The following LHFPL6 variants were observed in gnomAD, a reference collection of about 807,000 sequenced individuals.
LHFPL6 encodes LHFPL tetraspan subfamily member 6 protein.
A neutral mutation model predicts 20.6 loss-of-function variants in LHFPL6; 9 were observed. The ratio of observed to expected loss-of-function variants is 0.44; its 90% CI spans 0.26 to 0.76. The LOEUF is 0.76. Among genes scored for constraint, LHFPL6 ranks in the 30% least tolerant of loss-of-function variants. The probability of loss-of-function intolerance (pLI) is 0.20; values close to 1 mark genes in which losing one functional copy is unlikely to be tolerated. For synonymous variants in LHFPL6, 105 were observed against 98.7 expected (o/e 1.06, Z -0.38); for missense variants, 218 against 253.5 (o/e 0.86, Z 0.95).
chr13:39,517,953 GCC>G (rs760900863), intron 2 of LHFPL6, among the ~76,000 whole-genome samples: 3 of 152,108 alleles, frequency 2.0e-5, no homozygotes, highest in Non-Finnish European at 2.9e-5. Flanking sequence ...CCATGGGTGG[GCC>G]TGTGCCATCT....
intron 2 of LHFPL6, among the ~76,000 whole-genome samples, chr13:39,404,759 T>C (rs1871077630): frequency 6.6e-6 from 1 of 152,206 alleles, no homozygotes; most frequent in Admixed American, 6.5e-5. Flanking sequence ...GCCATCTTTG[T>C]TCTGATCCTC....
intron 2 of LHFPL6, among the ~76,000 whole-genome samples, chr13:39,406,099 G>C (rs2138382883): frequency 6.6e-6 from 1 of 152,224 alleles, no homozygotes; most frequent in Admixed American, 6.5e-5. Flanking sequence ...TTCGCTCCCT[G>C]GTCCAGCTCA....
Position 39,440,301 on chromosome 13 carries a change from C to G in LHFPL6, c.386-61775G>C, listed in dbSNP as rs559425495. Among the ~76,000 whole-genome samples, 6 of 151,982 alleles carry G rather than the reference C, an allele frequency of 3.9e-5. No homozygotes were observed. The South Asian group carries it at 1.0e-3, about 26-fold the overall frequency. ...GTTTTACTCTGGGTTAGCTCAGAGCCCAGAGCTTTGGTGTGGTCTACACTC... is the reference window on the plus strand; with the variant it reads ...GTTTTACTCTGGGTTAGCTCAGAGCGCAGAGCTTTGGTGTGGTCTACACTC... On this transcript the variant is annotated intron_variant, in intron 2 of 3. Coordinates refer to ENST00000379589, the MANE Select transcript of LHFPL6 (RefSeq NM_005780.3).
At chr13:39,455,921 C>T (rs1490592899) in intron 2 of LHFPL6, among the ~76,000 whole-genome samples, 1 of 152,180 alleles carries the variant, frequency 6.6e-6, no homozygotes, top group Non-Finnish European at 1.5e-5. Context: ...TACGGAAACA[C>T]ATACATTTAC....
intron 3 of LHFPL6, among the ~76,000 whole-genome samples, chr13:39,350,695 A>G (rs1869542865): frequency 6.6e-6 from 1 of 152,338 alleles, no homozygotes; most frequent in Non-Finnish European, 1.5e-5. Context: ...CAGGACTCCA[A>G]GCTTGCTTGG....
intron 2 of LHFPL6, among the ~76,000 whole-genome samples, chr13:39,511,414 A>C (rs981186969): frequency 4.6e-5 from 7 of 152,052 alleles, no homozygotes; most frequent in African/African-American, 1.7e-4. Flanking sequence ...TGACATCAGT[A>C]ATCAATCACA....
intron 2 of LHFPL6, among the ~76,000 whole-genome samples, chr13:39,501,325 C>T (rs767321276): frequency 9.2e-5 from 14 of 152,136 alleles, no homozygotes; most frequent in Admixed American, 3.3e-4. Flanking sequence ...TATCCTTTCT[C>T]GTATCTTATT....
intron 2 of LHFPL6, among the ~76,000 whole-genome samples, chr13:39,530,000 T>C (rs1245672330): frequency 6.6e-6 from 1 of 152,190 alleles, no homozygotes; most frequent in Non-Finnish European, 1.5e-5. Context: ...AAACTACAAA[T>C]GGGCACTGTG....
intron 2 of LHFPL6, among the ~76,000 whole-genome samples, chr13:39,597,895 G>A (rs1872815295): frequency 6.6e-6 from 1 of 152,180 alleles, no homozygotes; most frequent in Non-Finnish European, 1.5e-5. Context: ...GTACTGCAGG[G>A]GTTTTACTGC....
At chr13:39,374,059 A>G (rs1404657259) in intron 3 of LHFPL6, among the ~76,000 whole-genome samples, 1 of 152,182 alleles carries the variant, frequency 6.6e-6, no homozygotes, top group Non-Finnish European at 1.5e-5. Flanking sequence ...ATTCTACCAA[A>G]AAGATTCATG....
In LHFPL6 at chr13:39,456,953, C is replaced by T. The variant is rs556362067; in HGVS notation, c.386-78427G>A. On this transcript the variant is annotated intron_variant, in intron 2 of 3. Coordinates refer to ENST00000379589, the MANE Select transcript of LHFPL6 (RefSeq NM_005780.3). The stretch of plus-strand genomic sequence containing the variant: ...CTGGGACTACAGGCATGAGCCACCA[C>T]GCCCGGCTAATTTTTTTTGTATTTT... Among the ~76,000 whole-genome samples, 142 of 152,176 alleles carry T rather than the reference C, an allele frequency of 9.3e-4. 1 individual carries two copies. Among genetic ancestry groups the T allele is most frequent in the Non-Finnish European group, 1.3e-3 (86 of 67,984 alleles).
At chr13:39,502,264 A>T (rs1396988534) in intron 2 of LHFPL6, among the ~76,000 whole-genome samples, 1 of 152,196 alleles carries the variant, frequency 6.6e-6, no homozygotes, top group Non-Finnish European at 1.5e-5. Context: ...TTTTTCAAAA[A>T]ATCAGTGATT....
rs946598793 is a variant in LHFPL6, at chr13:39,587,332, G to A, written c.385+13500C>T. Among the ~76,000 whole-genome samples the A allele has an allele frequency of 1.3e-5, 2 of 151,996 alleles. 1 individual carries two copies. Among genetic ancestry groups the A allele is most frequent in the Admixed American group, 1.3e-4 (2 of 15,258 alleles). ...CTCTTTACAATTCCTTGGCTTTGAG[G>A]ACTTGATGTTCCCCTGTCTGAAGGC... is the stretch of plus-strand genomic sequence containing the variant. On this transcript the variant is annotated intron_variant, in intron 2 of 3. Transcript: ENST00000379589.
intron 2 of LHFPL6, among the ~76,000 whole-genome samples, chr13:39,555,016 C>T (rs1871261446): frequency 6.6e-6 from 1 of 152,160 alleles, no homozygotes; most frequent in African/African-American, 2.4e-5. Flanking sequence ...AGCCAGAAGT[C>T]AAGTCCAGAT....
At chr13:39,357,430 A>G (rs1169602326) in intron 3 of LHFPL6, among the ~76,000 whole-genome samples, 1 of 152,244 alleles carries the variant, frequency 6.6e-6, no homozygotes, top group Non-Finnish European at 1.5e-5. Context: ...CCCCTTGAGA[A>G]CTGGAACAAG....
At chr13:39,526,111 AATAG>A (rs1566133164) in intron 2 of LHFPL6, among the ~76,000 whole-genome samples, 2 of 152,212 alleles carry the variant, frequency 1.3e-5, no homozygotes, top group South Asian at 4.1e-4. Flanking sequence ...CATATCCCCA[AATAG>A]ATAGAAACCC....
intron 2 of LHFPL6, among the ~76,000 whole-genome samples, chr13:39,560,649 G>C (rs995208032): frequency 3.3e-5 from 5 of 151,838 alleles, no homozygotes; most frequent in Non-Finnish European, 7.4e-5. Context: ...CGTGTAGCTG[G>C]AACTACAGGT....
intron 2 of LHFPL6, among the ~76,000 whole-genome samples, chr13:39,461,071 G>A (rs1191727807): frequency 6.6e-6 from 1 of 152,140 alleles, no homozygotes; most frequent in Non-Finnish European, 1.5e-5. Flanking sequence ...CTCATTTAGA[G>A]GGGAGAACAT....
intron 2 of LHFPL6, among the ~76,000 whole-genome samples, chr13:39,443,512 C>T (rs1872195798): frequency 6.6e-6 from 1 of 152,042 alleles, no homozygotes; most frequent in South Asian, 2.1e-4. Context: ...TTTGGAGCAG[C>T]AAGCTAGTAA....
Sources: gnomAD v4.1 joint callset for allele counts (sites outside exome capture counted in the v4.1 genomes callset) on GRCh38, gnomAD v4.1.1 for gene constraint, MANE v1.5 for transcripts, NCBI Gene and HGNC (gene_info 2026-07-23, HGNC 2026-07-21) for gene names.